Variants in TSPEAR observed in about 807,000 individuals in gnomAD.
TSPEAR encodes thrombospondin-type laminin G domain and EAR repeat-containing protein.
TSPEAR carries 69 observed loss-of-function variants against 71.6 expected under a neutral mutation model. The observed-to-expected ratio is 0.96, with a 90% confidence interval of 0.79 to 1.18. TSPEAR has a LOEUF of 1.18. Ranked by LOEUF, TSPEAR falls within the 50% of genes most tolerant of loss-of-function variation. The pLI is 0.00. For synonymous variants in TSPEAR, 402 were observed against 387.2 expected (o/e 1.04, Z -0.45); for missense variants, 971 against 894.9 (o/e 1.09, Z -1.09).
chr21:44,523,335 C>T (rs2052775408), intron 8 of TSPEAR, among the ~76,000 whole-genome samples: 1 of 151,580 alleles, frequency 6.6e-6, no homozygotes, highest in African/African-American at 2.4e-5. Flanking sequence ...GGTAGTCACT[C>T]AGTGAAGTGG....
intron 1 of TSPEAR, chr21:44,676,897 A>G: frequency 1.1e-6 from 1 of 884,376 alleles, no homozygotes; most frequent in South Asian, 1.3e-5. Flanking sequence ...CTCTCTGTTC[A>G]GCTGATCGAT....
chr21:44,618,639 G>A (rs1982257352), intron 1 of TSPEAR, among the ~76,000 whole-genome samples: 3 of 152,180 alleles, frequency 2.0e-5, no homozygotes, highest in Admixed American at 6.5e-5. Flanking sequence ...CGGAGTTCCT[G>A]GTGTGGGGTG....
chr21:44,702,686 TCTC>T, intron 1 of TSPEAR: 1 of 1,539,478 alleles, frequency 6.5e-7, no homozygotes, highest in African/African-American at 1.4e-5. Context: ...GCACCCGCCT[TCTC>T]CTGCCAGCCC....
intron 1 of TSPEAR, among the ~76,000 whole-genome samples, chr21:44,651,872 A>C (rs1391347629): frequency 6.6e-6 from 1 of 152,220 alleles, no homozygotes; most frequent in African/African-American, 2.4e-5. Context: ...CAAGCTTTTA[A>C]AAAATGAAAG....
At chr21:44,682,836 G>A (rs1555948309) in intron 1 of TSPEAR, among the ~76,000 whole-genome samples, 9 of 152,200 alleles carry the variant, frequency 5.9e-5, no homozygotes, top group South Asian at 2.1e-4. Context: ...AGGGGCCAGC[G>A]CTCAAGCAGC....
chr21:44,508,571 T>A, intron 10 of TSPEAR: 1 of 1,166,040 alleles, frequency 8.6e-7, no homozygotes, highest in Non-Finnish European at 1.1e-6. Context: ...CCCACACTGG[T>A]CAGGATGGTT....
At chr21:44,620,635 T>A (rs187635515) in intron 1 of TSPEAR, among the ~76,000 whole-genome samples, 92 of 152,360 alleles carry the variant, frequency 6.0e-4, no homozygotes, top group Non-Finnish European at 1.1e-3. Context: ...GTTCCTTGAT[T>A]CGATTGATTT....
rs201633203 is a variant in TSPEAR at position 44,499,941 on chromosome 21, G to A, written c.1857-5C>T. 338 of 1,601,900 alleles carry A rather than the reference G, an allele frequency of 2.1e-4. No homozygotes were observed. The highest frequency in any genetic ancestry group is 3.9e-4 in the Admixed American group (23 of 58,878). ...AAGCCCTCGTAGCCCTGCCACCTGC[G>A]GAACAGACAGCGGCAGCCGGGTCAG... On this transcript the variant is annotated splice_polypyrimidine_tract_variant and splice_region_variant and intron_variant, in intron 11 of 11. Transcript: ENST00000323084.
At chr21:44,618,710 C>T (rs868952294) in intron 1 of TSPEAR, among the ~76,000 whole-genome samples, 1 of 152,268 alleles carries the variant, frequency 6.6e-6, no homozygotes, top group Admixed American at 6.5e-5. Flanking sequence ...CTGTTTCGAC[C>T]GTCTGGTGGC....
intron 2 of TSPEAR, among the ~76,000 whole-genome samples, chr21:44,562,042 T>C (rs1194306155): frequency 1.3e-5 from 2 of 152,138 alleles, no homozygotes; most frequent in Non-Finnish European, 2.9e-5. Context: ...AGCCAAATTA[T>C]CTCTGTTTGC....
chr21:44,702,017 G>C (rs1429841197), intron 1 of TSPEAR, among the ~76,000 whole-genome samples: 1 of 152,188 alleles, frequency 6.6e-6, no homozygotes, highest in Admixed American at 6.5e-5. Flanking sequence ...GCCAAGTTCA[G>C]AGCCCTGAGA....
intron 2 of TSPEAR, chr21:44,540,131 G>T (rs1555917047): frequency 6.8e-6 from 11 of 1,613,614 alleles, no homozygotes; most frequent in African/African-American, 1.3e-5. Context: ...GGAGCAGACG[G>T]ACATGGTGGA....
At chr21:44,682,994 G>A (rs1468760769) in intron 1 of TSPEAR, among the ~76,000 whole-genome samples, 1 of 152,156 alleles carries the variant, frequency 6.6e-6, no homozygotes, top group African/African-American at 2.4e-5. Flanking sequence ...TCACCAGAGA[G>A]AAGCTGCTAG....
chr21:44,647,397 A>T, intron 1 of TSPEAR: 1 of 1,592,846 alleles, frequency 6.3e-7, no homozygotes. Flanking sequence ...CTTTGCTGCC[A>T]AGCAGGATTC....
chr21:44,560,909 C>A (rs2053624392), intron 2 of TSPEAR, among the ~76,000 whole-genome samples: 1 of 152,158 alleles, frequency 6.6e-6, no homozygotes, highest in African/African-American at 2.4e-5. Context: ...ACCCTAACAT[C>A]ACAATTAAAA....
intron 1 of TSPEAR, chr21:44,658,039 C>A: frequency 6.2e-7 from 1 of 1,613,870 alleles, no homozygotes; most frequent in Non-Finnish European, 8.5e-7. Context: ...ACAGCCCCTG[C>A]CAGGCATCCT....
intron 4 of TSPEAR, 137 bp downstream of exon 4, chr21:44,530,904 TAG>T: frequency 2.7e-6 from 2 of 732,990 alleles, no homozygotes; most frequent in South Asian, 1.5e-5. Flanking sequence ...GGCCCTGTGG[TAG>T]AGACTCCACG....
At chr21:44,508,929 G>A (rs587667372) in intron 10 of TSPEAR, 5 of 1,523,214 alleles carry the variant, frequency 3.3e-6, no homozygotes, top group Admixed American at 1.8e-5. Flanking sequence ...GATGAAAGGA[G>A]GTAATGGGTG....
chr21:44,600,547 A>G, intron 1 of TSPEAR: 1 of 1,515,722 alleles, frequency 6.6e-7, no homozygotes, highest in South Asian at 1.3e-5. Flanking sequence ...ATCCCTGAGC[A>G]CCTAACACAC....
Sources: allele counts gnomAD v4.1 joint callset (sites outside exome capture counted in the v4.1 genomes callset), GRCh38; gene constraint gnomAD v4.1.1; transcripts MANE v1.5; gene names NCBI Gene and HGNC (gene_info 2026-07-23, HGNC 2026-07-21).